The following TRMT13 variants were observed in gnomAD, a reference collection of about 807,000 sequenced individuals.
The protein encoded by TRMT13 is tRNA:m(4)X modification enzyme TRM13 homolog.
In TRMT13, 45 loss-of-function variants were observed where a neutral mutation model predicts 55.9. The observed-to-expected ratio is 0.80, with a 90% confidence interval of 0.63 to 1.03. The LOEUF (loss-of-function observed/expected upper bound fraction) is 1.03, where lower values mean the gene tolerates loss of function less well. Among genes scored for constraint, TRMT13 ranks in the 50% least tolerant of loss-of-function variants. TRMT13 has a pLI of 0.00. For synonymous variants in TRMT13, 183 were observed against 196.3 expected, an observed-to-expected ratio of 0.93 and a Z score of 0.57; for missense variants, 513 against 563.9, an observed-to-expected ratio of 0.91 and a Z score of 0.91.
At chr1:100,137,479 T>C (rs954215959) in intron 3 of TRMT13, among the ~76,000 whole-genome samples, 14 of 152,190 alleles carry the variant, frequency 9.2e-5, no homozygotes, top group African/African-American at 3.4e-4. Context: ...ATTATAGGCG[T>C]GAGCCACCAA....
At chr1:100,133,439 A>G in intron 1 of TRMT13, 124 bp downstream of exon 1, 1 of 1,188,740 alleles carries the variant, frequency 8.4e-7, no homozygotes, top group African/African-American at 1.5e-5. Context: ...TCCAGCTTTC[A>G]CTTTAATAAA....
intron 1 of TRMT13, among the ~76,000 whole-genome samples, chr1:100,133,583 G>C (rs1017720194): frequency 6.6e-6 from 1 of 152,138 alleles, no homozygotes; most frequent in Non-Finnish European, 1.5e-5. Flanking sequence ...GGTAATGCTA[G>C]GTTTTAATTT....
chr1:100,146,153 C>T (rs1206170371), intron 9 of TRMT13, among the ~76,000 whole-genome samples: 1 of 152,148 alleles, frequency 6.6e-6, no homozygotes, highest in Non-Finnish European at 1.5e-5. Context: ...TTTTACTCAT[C>T]CTTCACCTCA....
At chr1:100,137,771 A>G (rs1347773659) in intron 3 of TRMT13, among the ~76,000 whole-genome samples, 1 of 152,198 alleles carries the variant, frequency 6.6e-6, no homozygotes, top group African/African-American at 2.4e-5. Flanking sequence ...TACTTTGACA[A>G]CAAAATACTC....
rs773749243 is a variant in TRMT13, at chr1:100,148,157, T to C, written c.1081T>C (p.Phe361Leu). 4 of 1,614,186 alleles carry C rather than the reference T, an allele frequency of 2.5e-6. No homozygotes were observed. In the South Asian group the frequency reaches 4.4e-5, roughly 18 times the overall value. ...GGCTCTAGGCCTTGGAGCAGTGGAA[T>C]TCCATTATTTCCAGCGAATGAGTAG... is the stretch of plus-strand genomic sequence containing the variant. ...FRALGLGAVE[F>L]HYFQRMSSWA... Residue 361 changes from phenylalanine to leucine, a missense_variant, in exon 10 of 11, where the codon TTC (phenylalanine) becomes CTC (leucine). Physicochemically the swap from Phe to Leu is conservative, Grantham distance 22 (BLOSUM62 0). Coordinates refer to ENST00000370141, the MANE Select transcript of TRMT13 (RefSeq NM_019083.3).
intron 9 of TRMT13, among the ~76,000 whole-genome samples, chr1:100,146,344 A>G (rs1657248407): frequency 6.6e-6 from 1 of 152,214 alleles, no homozygotes; most frequent in Admixed American, 6.5e-5. Flanking sequence ...TTGCTATATA[A>G]CAGGAACACA....
intron 10 of TRMT13, 78 bp downstream of exon 10, chr1:100,148,404 A>G: frequency 7.4e-7 from 1 of 1,355,482 alleles, no homozygotes; most frequent in Non-Finnish European, 1.0e-6. Flanking sequence ...ACTATTATCA[A>G]CAATTCATGA....
At chr1:100,143,428 GTTATA>G (rs911950159) in intron 8 of TRMT13, among the ~76,000 whole-genome samples, 4 of 152,168 alleles carry the variant, frequency 2.6e-5, no homozygotes, top group Non-Finnish European at 1.5e-5. Context: ...GAAATGAAGT[GTTATA>G]TTAGGGAAGA....
chr1:100,140,343 T>C, intron 5 of TRMT13, 65 bp from the exon 6 acceptor site: 1 of 1,557,092 alleles, frequency 6.4e-7, no homozygotes, highest in Non-Finnish European at 8.8e-7. Flanking sequence ...ATGTTACTAC[T>C]ATTGTTCAGA....
Position 100,137,139 on chromosome 1 carries a change from G to T in TRMT13, c.261+54G>T, listed in dbSNP as rs1388476047. 7.1e-6 allele frequency: 10 copies of T among 1,401,282 alleles called. No individual in the cohort carries two copies. In the Admixed American group the frequency reaches 1.9e-4, roughly 26 times the overall value. The allele number at this position is 1,401,282 out of a possible 1,614,324, so 86.8% of individuals were successfully genotyped here. ...GTGAAATGTGGTATGTAATGCCTTG[G>T]TAGATGCTGCACATGGAATGTACTT... On this transcript the variant is annotated intron_variant, in intron 3 of 10. Coordinates refer to ENST00000370141, the MANE Select transcript of TRMT13 (RefSeq NM_019083.3).
At position 100,147,988 on chromosome 1, in the gene TRMT13, A is replaced by G. The variant is rs753554833; in HGVS notation, c.912A>G (p.Thr304=). The G allele has an allele frequency of 6.2e-7, 1 of 1,614,180 alleles. No individual in the cohort carries two copies. The highest frequency in any genetic ancestry group is 1.1e-5 in the South Asian group (1 of 91,086). ...CCAAACGCATAAAGAATGATAAAAC[A>G]GAAAAAGAAATTTACACTTTGGCCA... The part of the protein sequence containing the change: ...PLAKRIKNDK[T]EKEIYTLAKE... The change falls in exon 10 of 11, where the codon ACA becomes ACG. Residue 304 remains threonine (T), a synonymous_variant. Coordinates refer to ENST00000370141, the MANE Select transcript of TRMT13 (RefSeq NM_019083.3).
In TRMT13 at chr1:100,148,012, C is replaced by A; in HGVS notation, c.936C>A (p.Ala312=). 6.2e-7 allele frequency: 1 copy of A among 1,613,928 alleles called. No individual in the cohort carries two copies. The highest frequency in any genetic ancestry group is 8.5e-7 in the Non-Finnish European group (1 of 1,179,968). Reference sequence around the variant, plus strand: ...CAGAAAAAGAAATTTACACTTTGGCCAAGGAAGGAAATGAAAAAAATGTCC... The same window carrying A: ...CAGAAAAAGAAATTTACACTTTGGCAAAGGAAGGAAATGAAAAAAATGTCC... The part of the protein sequence containing the change: ...DKTEKEIYTL[A]KEGNEKNVPE... Residue 312 remains alanine (A), a synonymous_variant, in exon 10 of 11, where the codon GCC becomes GCA. Transcript: ENST00000370141.
At chr1:100,138,956 G>GTGTT (rs781408521) in intron 3 of TRMT13, among the ~76,000 whole-genome samples, 1 of 152,088 alleles carries the variant, frequency 6.6e-6, no homozygotes, top group Non-Finnish European at 1.5e-5. Context: ...TTCATTATGT[G>GTGTT]TGTTTGTTTG....
intron 3 of TRMT13, among the ~76,000 whole-genome samples, chr1:100,137,395 G>A (rs974168763): frequency 4.0e-5 from 6 of 151,888 alleles, no homozygotes; most frequent in Non-Finnish European, 5.9e-5. Flanking sequence ...CGGGGTTCTC[G>A]CTGTGTTGCC....
At chr1:100,138,207 C>T (rs2101722707) in intron 3 of TRMT13, among the ~76,000 whole-genome samples, 1 of 152,286 alleles carries the variant, frequency 6.6e-6, no homozygotes, top group East Asian at 1.9e-4. Context: ...AAAGGCATAT[C>T]ACTATTCTGC....
rs1557918669 is a variant in TRMT13 at position 100,149,157 on chromosome 1, G to A, written c.*337G>A. On this transcript the variant is annotated 3_prime_UTR_variant, in exon 11 of 11. Coordinates refer to ENST00000370141, the MANE Select transcript of TRMT13 (RefSeq NM_019083.3). ...CGTATTTCTGTTTGTATTAATTTTG[G>A]AAATTTATCTTCCTTTGATTTTATT... 8 of 1,556,812 alleles carry A rather than the reference G, an allele frequency of 5.1e-6. No homozygotes were observed. The East Asian group carries it at 1.8e-4, about 36-fold the overall frequency.
intron 9 of TRMT13, among the ~76,000 whole-genome samples, chr1:100,146,042 A>G (rs1372033569): frequency 6.6e-6 from 1 of 152,162 alleles, no homozygotes; most frequent in East Asian, 1.9e-4. Context: ...CTGTTCAGCA[A>G]CATCAAACCC....
At chr1:100,148,356 C>T (rs757222925) in intron 10 of TRMT13, 30 bp downstream of exon 10, 2 of 1,581,404 alleles carry the variant, frequency 1.3e-6, no homozygotes, top group South Asian at 1.1e-5. Context: ...ATGCATGATA[C>T]TAAAGGAGAA....
intron 8 of TRMT13, among the ~76,000 whole-genome samples, chr1:100,143,644 A>G (rs531179328): frequency 6.6e-6 from 1 of 152,282 alleles, no homozygotes; most frequent in East Asian, 1.9e-4. Context: ...AAAAGAAGTC[A>G]TCACTGTGGG....
Sources: gnomAD v4.1 joint callset for allele counts (sites outside exome capture counted in the v4.1 genomes callset) on GRCh38, gnomAD v4.1.1 for gene constraint, MANE v1.5 for transcripts, NCBI Gene and HGNC (gene_info 2026-07-23, HGNC 2026-07-21) for gene names.